SAMD4A: variants seen among roughly 807,000 people sequenced by gnomAD.
The protein encoded by SAMD4A is sterile alpha motif domain containing 4A.
SAMD4A carries 33 observed loss-of-function variants against 81.3 expected under a neutral mutation model. The ratio of observed to expected loss-of-function variants is 0.41; its 90% CI spans 0.31 to 0.54. SAMD4A has a LOEUF of 0.54. Among genes scored for constraint, SAMD4A ranks in the 20% least tolerant of loss-of-function variants. The pLI, the probability that SAMD4A is intolerant of heterozygous loss-of-function variation, is 0.37. For synonymous variants in SAMD4A, 389 were observed against 382.1 expected, an observed-to-expected ratio of 1.02 and a Z score of -0.21; for missense variants, 854 against 951.1, an observed-to-expected ratio of 0.90 and a Z score of 1.34.
chr14:54,624,262 C>T (rs140316823), intron 2 of SAMD4A, among the ~76,000 whole-genome samples: 1,842 of 152,372 alleles, frequency 0.012, 34 homozygotes, highest in African/African-American at 0.042. Flanking sequence ...CGCAAGCCAC[C>T]GCGCCCGGCC....
intron 2 of SAMD4A, among the ~76,000 whole-genome samples, chr14:54,587,056 T>C (rs1287979725): frequency 6.6e-6 from 1 of 152,238 alleles, no homozygotes; most frequent in Admixed American, 6.5e-5. Flanking sequence ...TACCTATCCA[T>C]GAGAATGGGA....
upstream of SAMD4A, among the ~76,000 whole-genome samples, chr14:54,566,365 C>T (rs1274150513): frequency 6.6e-6 from 1 of 151,724 alleles, no homozygotes; most frequent in Non-Finnish European, 1.5e-5. Flanking sequence ...CACTGGGGGT[C>T]CCCTCCCCGG....
At chr14:54,709,178 G>A (rs889017081) in intron 3 of SAMD4A, among the ~76,000 whole-genome samples, 1 of 152,028 alleles carries the variant, frequency 6.6e-6, no homozygotes, top group African/African-American at 2.4e-5. Context: ...TCAGGAAGCT[G>A]AGGAGGGAGG....
chr14:54,779,004 G>A (rs2038932077), intron 11 of SAMD4A, among the ~76,000 whole-genome samples: 1 of 151,694 alleles, frequency 6.6e-6, no homozygotes, highest in African/African-American at 2.4e-5. Flanking sequence ...CAAGGAGGCA[G>A]CCTCCTACCC....
At chr14:54,742,394 G>A (rs1267928977) in intron 4 of SAMD4A, among the ~76,000 whole-genome samples, 10 of 152,158 alleles carry the variant, frequency 6.6e-5, no homozygotes, top group Admixed American at 6.5e-4. Context: ...ACATCCCAGT[G>A]GAGGTGTGCA....
chr14:54,674,878 A>G (rs1307137118), intron 2 of SAMD4A, among the ~76,000 whole-genome samples: 1 of 152,274 alleles, frequency 6.6e-6, no homozygotes, highest in East Asian at 1.9e-4. Flanking sequence ...CCTCTTGAGT[A>G]CTGGGAATAT....
At chr14:54,764,600 G>T in intron 8 of SAMD4A, 60 bp downstream of exon 8, 1 of 1,108,128 alleles carries the variant, frequency 9.0e-7, no homozygotes, top group Non-Finnish European at 1.3e-6. Context: ...ATGGTTCTCA[G>T]AGTTTCTGTG....
intron 2 of SAMD4A, among the ~76,000 whole-genome samples, chr14:54,662,641 C>T (rs943100093): frequency 1.3e-5 from 2 of 151,970 alleles, no homozygotes; most frequent in African/African-American, 4.8e-5. Context: ...TCTTGAACTC[C>T]TGACCTCAAG....
At chr14:54,787,549 A>ATAGAG (rs1337408462) in intron 12 of SAMD4A, among the ~76,000 whole-genome samples, 4 of 152,168 alleles carry the variant, frequency 2.6e-5, no homozygotes, top group Admixed American at 2.6e-4. Flanking sequence ...TGCCAAGCAA[A>ATAGAG]TAGAGATGCT....
chr14:54,647,003 G>A lies in SAMD4A; in HGVS notation c.197-55059G>A, dbSNP rs535901069. Among the ~76,000 whole-genome samples the A allele has an allele frequency of 5.3e-5, 8 of 152,246 alleles. No homozygotes were observed. In the South Asian group the frequency reaches 1.4e-3, roughly 28 times the overall value. On this transcript the variant is annotated intron_variant, in intron 2 of 12. Transcript: ENST00000554335. ...TACAAGAAACAGAATGGAAATGTTC[G>A]AATTTATGTTACTTTGACACATATT...
intron 6 of SAMD4A, among the ~76,000 whole-genome samples, chr14:54,753,934 C>T (rs557940848): frequency 1.3e-5 from 2 of 152,298 alleles, no homozygotes; most frequent in East Asian, 3.9e-4. Context: ...GGGGAACATT[C>T]AAAAGGCCAA....
intron 2 of SAMD4A, among the ~76,000 whole-genome samples, chr14:54,631,042 G>A (rs2140338460): frequency 1.3e-5 from 2 of 151,776 alleles, no homozygotes; most frequent in East Asian, 3.9e-4. Flanking sequence ...AGCTGATGGT[G>A]TAGTTCCAGT....
chr14:54,678,960 TTCTC>T (rs2036066302), intron 2 of SAMD4A, among the ~76,000 whole-genome samples: 2 of 152,226 alleles, frequency 1.3e-5, no homozygotes. Flanking sequence ...CCATTCCTCT[TTCTC>T]TGTGCTATGT....
rs1255685201 is a variant in SAMD4A at position 54,755,113 on chromosome 14, GC to G, written c.1176+3577del. 2.6e-5 allele frequency among the ~76,000 whole-genome samples: 4 copies of G among 152,202 alleles called. No individual in the cohort carries two copies. In the East Asian group the frequency reaches 7.7e-4, roughly 29 times the overall value. On this transcript the variant is annotated intron_variant, in intron 6 of 12. Coordinates refer to ENST00000554335, the MANE Select transcript of SAMD4A (RefSeq NM_015589.6). The stretch of plus-strand genomic sequence containing the variant: ...CCGGGAAACTCATTAGGAAACTATA[GC>G]AAGTCTTGATGGGACCTTGAACCAA...
chr14:54,765,959 C>T lies in SAMD4A; in HGVS notation c.1596+1419C>T, dbSNP rs149780663. Among the ~76,000 whole-genome samples the T allele has an allele frequency of 8.5e-5, 13 of 152,236 alleles. No homozygotes were observed. The East Asian group carries it at 1.4e-3, about 16-fold the overall frequency. On this transcript the variant is annotated intron_variant, in intron 8 of 12. Coordinates refer to ENST00000554335, the MANE Select transcript of SAMD4A (RefSeq NM_015589.6). ...CCGTATGGATTCTTATGTGCCCAAG[C>T]GGCTCTGGCCAAAGTTGTCAGTGTG... is the stretch of plus-strand genomic sequence containing the variant.
intron 7 of SAMD4A, among the ~76,000 whole-genome samples, chr14:54,761,599 T>C (rs561434760): frequency 1.3e-5 from 2 of 152,384 alleles, no homozygotes; most frequent in South Asian, 4.1e-4. Flanking sequence ...AAAGCCTTCA[T>C]GTGAATTACA....
chr14:54,646,171 C>T (rs1425996089), intron 2 of SAMD4A, among the ~76,000 whole-genome samples: 1 of 152,194 alleles, frequency 6.6e-6, no homozygotes, highest in Non-Finnish European at 1.5e-5. Flanking sequence ...TTCCTAGGCG[C>T]TGCTGAACAT....
At chr14:54,647,126 C>A (rs1006362233) in intron 2 of SAMD4A, among the ~76,000 whole-genome samples, 1 of 152,202 alleles carries the variant, frequency 6.6e-6, no homozygotes, top group Non-Finnish European at 1.5e-5. Flanking sequence ...GATACCTTTT[C>A]ATCTTGCTTT....
At chr14:54,736,460 G>A (rs2037694247) in intron 3 of SAMD4A, among the ~76,000 whole-genome samples, 1 of 152,170 alleles carries the variant, frequency 6.6e-6, no homozygotes, top group African/African-American at 2.4e-5. Context: ...GGCCCTTGCT[G>A]AGCCATACCA....
Sources: allele counts gnomAD v4.1 joint callset (sites outside exome capture counted in the v4.1 genomes callset), GRCh38; gene constraint gnomAD v4.1.1; transcripts MANE v1.5; gene names NCBI Gene and HGNC (gene_info 2026-07-23, HGNC 2026-07-21).